Variants in GPC6 observed in about 807,000 individuals in gnomAD.
GPC6 encodes the protein glypican 6.
Under a neutral mutation model 55.2 loss-of-function variants are expected in GPC6, and 14 were observed. The observed-to-expected ratio is 0.25, with a 90% CI of 0.17 to 0.40. GPC6 has a LOEUF of 0.40. Ranked by LOEUF, GPC6 falls within the 10% of genes least tolerant of loss-of-function variation. The pLI, the probability that GPC6 is intolerant of heterozygous loss-of-function variation, is 1.00. For synonymous variants in GPC6, 278 were observed against 259.6 expected, an observed-to-expected ratio of 1.07 and a Z score of -0.68; for missense variants, 641 against 708.5, an observed-to-expected ratio of 0.90 and a Z score of 1.08.
intron 4 of GPC6, among the ~76,000 whole-genome samples, chr13:94,079,511 A>G (rs1419767607): frequency 6.6e-6 from 1 of 152,086 alleles, no homozygotes; most frequent in African/African-American, 2.4e-5. Context: ...TCTGCAGATG[A>G]TGTATTTGAG....
intron 6 of GPC6, among the ~76,000 whole-genome samples, chr13:94,353,142 G>A (rs982685265): frequency 2.0e-5 from 3 of 152,096 alleles, no homozygotes; most frequent in African/African-American, 7.2e-5. Flanking sequence ...GGAAGGGAGG[G>A]AGACATGAGT....
At chr13:93,518,346 G>A (rs1235468721) in intron 1 of GPC6, among the ~76,000 whole-genome samples, 1 of 151,670 alleles carries the variant, frequency 6.6e-6, no homozygotes, top group African/African-American at 2.4e-5. Flanking sequence ...TCTGAGCACA[G>A]ATGGGCCTTA....
intron 4 of GPC6, among the ~76,000 whole-genome samples, chr13:94,105,399 A>G (rs140791506): frequency 1.3e-5 from 2 of 152,276 alleles, no homozygotes; most frequent in East Asian, 3.9e-4. Context: ...ATGTTCATTC[A>G]TATTTATCTC....
chr13:94,303,606 G>T (rs1002940248), intron 5 of GPC6, among the ~76,000 whole-genome samples: 2 of 152,148 alleles, frequency 1.3e-5, no homozygotes, highest in African/African-American at 4.8e-5. Context: ...GCCAGGTGTT[G>T]TTTCCAAAGT....
intron 3 of GPC6, among the ~76,000 whole-genome samples, chr13:94,001,077 A>G (rs1448855574): frequency 6.6e-6 from 1 of 152,112 alleles, no homozygotes; most frequent in Non-Finnish European, 1.5e-5. Flanking sequence ...AAAAGACAAA[A>G]TAGAGTAATT....
chr13:93,290,879 T>G (rs1878297347), intron 1 of GPC6, among the ~76,000 whole-genome samples: 1 of 152,152 alleles, frequency 6.6e-6, no homozygotes, highest in Admixed American at 6.5e-5. Context: ...AAGACATGCA[T>G]AAAAACAGCC....
intron 1 of GPC6, among the ~76,000 whole-genome samples, chr13:93,311,157 G>T (rs577097805): frequency 1.3e-5 from 2 of 152,260 alleles, no homozygotes; most frequent in East Asian, 3.9e-4. Flanking sequence ...AATGCCAGCT[G>T]GGACTCACTA....
intron 1 of GPC6, among the ~76,000 whole-genome samples, chr13:93,362,509 C>T (rs77061079): frequency 1.3e-5 from 2 of 152,116 alleles, no homozygotes; most frequent in East Asian, 3.9e-4. Flanking sequence ...GAAAGGTGCC[C>T]AAATATATTA....
chr13:93,956,204 G>A (rs1229098249), intron 3 of GPC6, among the ~76,000 whole-genome samples: 1 of 151,924 alleles, frequency 6.6e-6, no homozygotes, highest in African/African-American at 2.4e-5. Context: ...CTGTGGCCCT[G>A]ATAGCTTCTT....
At chr13:94,094,254 G>A (rs969196978) in intron 4 of GPC6, among the ~76,000 whole-genome samples, 1 of 152,038 alleles carries the variant, frequency 6.6e-6, no homozygotes, top group African/African-American at 2.4e-5. Flanking sequence ...CTGTACAGGA[G>A]AGCAATAGTG....
intron 2 of GPC6, among the ~76,000 whole-genome samples, chr13:93,807,778 G>A (rs1278127397): frequency 3.9e-5 from 6 of 152,152 alleles, no homozygotes; most frequent in East Asian, 1.9e-4. Flanking sequence ...ACTCACTTGC[G>A]ATAAATAAAT....
chr13:94,230,745 C>T (rs973716029), intron 4 of GPC6, among the ~76,000 whole-genome samples: 2 of 152,152 alleles, frequency 1.3e-5, no homozygotes, highest in Non-Finnish European at 2.9e-5. Flanking sequence ...TACAGCCTAG[C>T]GTATAAATGC....
chr13:93,965,775 C>T (rs1265446434), intron 3 of GPC6, among the ~76,000 whole-genome samples: 2 of 152,128 alleles, frequency 1.3e-5, no homozygotes, highest in African/African-American at 4.8e-5. Flanking sequence ...CTTAGGTCAC[C>T]TCAGAGGAGA....
chr13:93,348,090 A>G (rs946784680), intron 1 of GPC6, among the ~76,000 whole-genome samples: 1 of 152,128 alleles, frequency 6.6e-6, no homozygotes, highest in African/African-American at 2.4e-5. Flanking sequence ...TTAATATACC[A>G]TAGTTTGGAA....
At chr13:93,635,652 G>T (rs773482188) in intron 2 of GPC6, among the ~76,000 whole-genome samples, 1 of 152,132 alleles carries the variant, frequency 6.6e-6, no homozygotes, top group Non-Finnish European at 1.5e-5. Context: ...AATCTGTCTT[G>T]CATCAAAGCA....
At chr13:94,138,809 C>G (rs531454486) in intron 4 of GPC6, among the ~76,000 whole-genome samples, 1 of 152,262 alleles carries the variant, frequency 6.6e-6, no homozygotes, top group African/African-American at 2.4e-5. Flanking sequence ...GGCAGAAGCT[C>G]TCCTGTACTG....
chr13:94,032,362 G>T (rs1229783631), intron 4 of GPC6, among the ~76,000 whole-genome samples: 1 of 152,132 alleles, frequency 6.6e-6, no homozygotes, highest in Non-Finnish European at 1.5e-5. Context: ...TCAGCGGGGA[G>T]TCAGAGAAGC....
chr13:93,560,297 C>T (rs2139457450), intron 2 of GPC6, among the ~76,000 whole-genome samples: 1 of 148,586 alleles, frequency 6.7e-6, no homozygotes, highest in South Asian at 2.2e-4. Flanking sequence ...CACTTGAGCC[C>T]AGGAATTTGA....
intron 1 of GPC6, among the ~76,000 whole-genome samples, chr13:93,485,034 G>C (rs1424180358): frequency 6.6e-6 from 1 of 152,156 alleles, no homozygotes; most frequent in East Asian, 1.9e-4. Flanking sequence ...AAGGCAAAGA[G>C]GTATTTACAG....
Sources: allele counts gnomAD v4.1 joint callset (sites outside exome capture counted in the v4.1 genomes callset), GRCh38; gene constraint gnomAD v4.1.1; transcripts MANE v1.5; gene names NCBI Gene and HGNC (gene_info 2026-07-23, HGNC 2026-07-21).